Variants in KSR2 observed in about 807,000 individuals in gnomAD.
KSR2 encodes the protein kinase suppressor of ras 2.
KSR2 carries 25 observed loss-of-function variants against 107.8 expected under a neutral mutation model. The observed-to-expected ratio is 0.23, with a 90% CI of 0.17 to 0.32. The LOEUF (loss-of-function observed/expected upper bound fraction) is 0.32, where lower values mean the gene tolerates loss of function less well. KSR2 is among the 10% of genes least tolerant of loss of function. KSR2 has a pLI of 1.00. For missense variants in KSR2, 887 were observed against 1,268.9 expected (o/e 0.70, Z 4.57); for synonymous variants, 480 against 507.0 (o/e 0.95, Z 0.71).
Position 117,721,976 on chromosome 12 carries a change from T to C in KSR2, c.986+39035A>G, listed in dbSNP as rs187817963. On this transcript the variant is annotated intron_variant, in intron 4 of 19. Coordinates refer to ENST00000339824, the MANE Select transcript of KSR2 (RefSeq NM_173598.6). ...CAATATGGCAGCCACCAGCCATATA[T>C]GGTTATTGAGCACATGAAATACAGC... 1.3e-4 allele frequency among the ~76,000 whole-genome samples: 20 copies of C among 152,332 alleles called. 1 individual carries two copies. Among genetic ancestry groups the C allele is most frequent in the Admixed American group, 7.2e-4 (11 of 15,300 alleles).
At chr12:117,947,224 A>G (rs1342510800) in intron 1 of KSR2, among the ~76,000 whole-genome samples, 4 of 113,462 alleles carry the variant, frequency 3.5e-5, no homozygotes, top group African/African-American at 1.6e-4. Flanking sequence ...AAAGAAAGAA[A>G]GAAAGAAAGA....
chr12:117,698,274 T>C (rs752490410), intron 4 of KSR2, among the ~76,000 whole-genome samples: 16 of 152,256 alleles, frequency 1.1e-4, no homozygotes, highest in Non-Finnish European at 2.1e-4. Flanking sequence ...CCTCTCTTAG[T>C]TGAACTCCCG....
chr12:117,781,237 T>C (rs1889875195), intron 3 of KSR2, among the ~76,000 whole-genome samples: 1 of 152,196 alleles, frequency 6.6e-6, no homozygotes, highest in South Asian at 2.1e-4. Context: ...CATGTGGAAT[T>C]GTGAGTCAAT....
chr12:117,823,220 G>A (rs1891626128), intron 3 of KSR2, among the ~76,000 whole-genome samples: 1 of 152,048 alleles, frequency 6.6e-6, no homozygotes, highest in African/African-American at 2.4e-5. Flanking sequence ...TGTAGATGGA[G>A]GGTCTCCAGC....
intron 5 of KSR2, among the ~76,000 whole-genome samples, chr12:117,631,055 C>T (rs1477644812): frequency 6.6e-6 from 1 of 152,162 alleles, no homozygotes; most frequent in Non-Finnish European, 1.5e-5. Context: ...TGCTGGCTCA[C>T]ACCCATAGTC....
Position 117,464,148 on chromosome 12 carries a change from T to C in KSR2, c.*3051A>G, listed in dbSNP as rs1093297. On this transcript the variant is annotated 3_prime_UTR_variant, in exon 20 of 20. Coordinates refer to ENST00000339824, the MANE Select transcript of KSR2 (RefSeq NM_173598.6). ...GAAGGAAGCTCCTTGGTTTTATGAA[T>C]AATCTGTATCCTGGAAGAGTTGGGT... 142,247 of 152,298 alleles carry C rather than the reference T, an allele frequency of 0.93. 66,528 individuals are homozygous for C. The highest frequency in any genetic ancestry group is 0.98 in the African/African-American group (40,889 of 41,574). The allele number at this position is 152,298 out of a possible 1,614,324, so 9.4% of individuals were successfully genotyped here.
chr12:117,734,740 GCAT>G (rs1276930906), intron 4 of KSR2, among the ~76,000 whole-genome samples: 21 of 114,172 alleles, frequency 1.8e-4, no homozygotes, highest in South Asian at 3.7e-4. Context: ...ACGCATGCAT[GCAT>G]GCATGCATGC....
At chr12:117,779,579 AGGGAGGGACCTGGT>A (rs1461920904) in intron 3 of KSR2, among the ~76,000 whole-genome samples, 1 of 152,144 alleles carries the variant, frequency 6.6e-6, no homozygotes, top group Non-Finnish European at 1.5e-5. Flanking sequence ...CCACGTGTCA[AGGGAGGGACCTGGT>A]GGGAGGTGAT....
intron 5 of KSR2, among the ~76,000 whole-genome samples, chr12:117,626,702 A>G (rs1882539317): frequency 6.6e-6 from 1 of 152,082 alleles, no homozygotes; most frequent in African/African-American, 2.4e-5. Flanking sequence ...GTGGAGAGTT[A>G]TGAAGATGTC....
chr12:117,849,468 T>C (rs1443791080), intron 3 of KSR2, among the ~76,000 whole-genome samples: 1 of 152,202 alleles, frequency 6.6e-6, no homozygotes. Flanking sequence ...AAGGAAAGGT[T>C]AAGCTATCCT....
rs371742049 is a variant in KSR2 at position 117,631,827 on chromosome 12, A to C, written c.1171+35647T>G. On this transcript the variant is annotated intron_variant, in intron 5 of 19. Transcript: ENST00000339824. Reference sequence around the variant, plus strand: ...AACCAAAAGCAGTATGCAATATGTGAGCTGTTATTATCATTCATTAAACAA... The same window carrying C: ...AACCAAAAGCAGTATGCAATATGTGCGCTGTTATTATCATTCATTAAACAA... 3.3e-5 allele frequency among the ~76,000 whole-genome samples: 5 copies of C among 152,344 alleles called. No individual in the cohort carries two copies. The South Asian group carries it at 8.3e-4, about 25-fold the overall frequency.
rs1870830806 is a variant in KSR2 at position 117,460,347 on chromosome 12, AG to A, written c.*6851del. ...GGAAGGGCCCTTTCCCACCCCTGAG[AG>A]GGAAGAGCACTCACTGATGTACGCC... On this transcript the variant is annotated 3_prime_UTR_variant, in exon 20 of 20. Coordinates refer to ENST00000339824, the MANE Select transcript of KSR2 (RefSeq NM_173598.6). 1 of 152,128 alleles carries A rather than the reference AG, an allele frequency of 6.6e-6. No homozygotes were observed. The highest frequency in any genetic ancestry group is 6.5e-5 in the Admixed American group (1 of 15,270). The allele number at this position is 152,128 out of a possible 1,614,324, so 9.4% of individuals were successfully genotyped here. A position where few individuals can be genotyped will look rare whatever the true frequency, so the allele number is the denominator to read the frequency against.
intron 9 of KSR2, among the ~76,000 whole-genome samples, chr12:117,548,375 T>G (rs566511542): frequency 5.3e-4 from 81 of 152,354 alleles, no homozygotes; most frequent in African/African-American, 1.9e-3. Flanking sequence ...ACGACAAGGA[T>G]GAAGACCTTT....
chr12:117,692,088 T>A (rs1885838520), intron 4 of KSR2, among the ~76,000 whole-genome samples: 2 of 151,788 alleles, frequency 1.3e-5, no homozygotes, highest in South Asian at 4.2e-4. Flanking sequence ...GTTACAAATA[T>A]GGATCAAAAA....
chr12:117,467,891 A>G, intron 19 of KSR2: 1 of 413,054 alleles, frequency 2.4e-6, no homozygotes, highest in Non-Finnish European at 4.7e-6. Context: ...TGAACCCAGC[A>G]TCCTATTCTG....
At chr12:117,492,925 CT>C (rs1872825032) in intron 14 of KSR2, among the ~76,000 whole-genome samples, 2 of 152,156 alleles carry the variant, frequency 1.3e-5, no homozygotes, top group Non-Finnish European at 2.9e-5. Flanking sequence ...AAAATGGATT[CT>C]CCCCTAGAAT....
At chr12:117,896,516 A>G (rs1402982933) in intron 1 of KSR2, among the ~76,000 whole-genome samples, 2 of 151,318 alleles carry the variant, frequency 1.3e-5, no homozygotes, top group African/African-American at 2.4e-5. Context: ...CTAGAATGCA[A>G]TGTCGCCATC....
intron 8 of KSR2, among the ~76,000 whole-genome samples, chr12:117,555,954 C>CTGTTGTTGTTGT (rs55744572): frequency 1.2e-4 from 18 of 151,328 alleles, no homozygotes; most frequent in East Asian, 1.2e-3. Context: ...TACTTGTTAG[C>CTGTTGTTGTTGT]TGTTGTTGTT....
chr12:117,602,018 A>G (rs1452589417), intron 5 of KSR2, among the ~76,000 whole-genome samples: 2 of 152,226 alleles, frequency 1.3e-5, no homozygotes, highest in Admixed American at 1.3e-4. Context: ...AAGCAGCCAT[A>G]GGCGGTATGC....
Sources: gnomAD v4.1 joint callset for allele counts (sites outside exome capture counted in the v4.1 genomes callset) on GRCh38, gnomAD v4.1.1 for gene constraint, MANE v1.5 for transcripts, NCBI Gene and HGNC (gene_info 2026-07-23, HGNC 2026-07-21) for gene names.